Variants in ADAM12 observed in about 807,000 individuals in gnomAD.
The protein encoded by ADAM12 is disintegrin and metalloproteinase domain-containing protein 12.
A neutral mutation model predicts 106.4 loss-of-function variants in ADAM12; 70 were observed. The observed-to-expected ratio is 0.66, with a 90% confidence interval of 0.54 to 0.80. The LOEUF (loss-of-function observed/expected upper bound fraction) is 0.80, where lower values mean the gene tolerates loss of function less well. ADAM12 is among the 30% of genes least tolerant of loss of function. The pLI is 0.00. For missense variants in ADAM12, 1,010 were observed against 1,171.9 expected (o/e 0.86, Z 2.02); for synonymous variants, 420 against 433.5 (o/e 0.97, Z 0.39).
intron 1 of ADAM12, among the ~76,000 whole-genome samples, chr10:126,379,811 A>AC (rs1564766639): frequency 6.6e-6 from 1 of 152,090 alleles, no homozygotes; most frequent in Non-Finnish European, 1.5e-5. Flanking sequence ...CATATCTCTC[A>AC]AAAGCAATGT....
chr10:126,022,744 C>A (rs934079912), intron 21 of ADAM12, among the ~76,000 whole-genome samples: 1 of 152,204 alleles, frequency 6.6e-6, no homozygotes, highest in Non-Finnish European at 1.5e-5. Context: ...TGCTCACACA[C>A]GATAAACATT....
At chr10:126,161,045 C>T (rs947562212) in intron 3 of ADAM12, among the ~76,000 whole-genome samples, 2 of 152,282 alleles carry the variant, frequency 1.3e-5, no homozygotes, top group East Asian at 1.9e-4. Context: ...CACTATTAGC[C>T]CCCATCGCAG....
At chr10:126,065,619 C>A (rs1052388805) in intron 13 of ADAM12, among the ~76,000 whole-genome samples, 1 of 152,102 alleles carries the variant, frequency 6.6e-6, no homozygotes, top group Admixed American at 6.5e-5. Context: ...CTCAGAGTAG[C>A]CCGTCTGAGG....
chr10:126,226,861 G>C (rs1958206735), intron 3 of ADAM12, among the ~76,000 whole-genome samples: 2 of 152,156 alleles, frequency 1.3e-5, no homozygotes, highest in South Asian at 4.2e-4. Context: ...AAGGACTAAG[G>C]CTGTTTTGCA....
At chr10:126,261,214 G>T (rs1437703186) in intron 3 of ADAM12, among the ~76,000 whole-genome samples, 1 of 152,018 alleles carries the variant, frequency 6.6e-6, no homozygotes, top group Non-Finnish European at 1.5e-5. Flanking sequence ...AGATACCAAG[G>T]CACGACTGTG....
intron 3 of ADAM12, among the ~76,000 whole-genome samples, chr10:126,179,059 GA>G (rs917126785): frequency 1.8e-4 from 26 of 145,020 alleles, no homozygotes; most frequent in East Asian, 1.2e-3. Flanking sequence ...AAAAAAGAAA[GA>G]AAAAAAAAAG....
intron 3 of ADAM12, among the ~76,000 whole-genome samples, chr10:126,171,975 G>A (rs1957127765): frequency 6.6e-6 from 1 of 152,050 alleles, no homozygotes; most frequent in Non-Finnish European, 1.5e-5. Flanking sequence ...CCATGTGTCT[G>A]GGGAAAAAAA....
chr10:126,301,791 C>T (rs908429342), intron 2 of ADAM12, among the ~76,000 whole-genome samples: 1 of 152,206 alleles, frequency 6.6e-6, no homozygotes, highest in Non-Finnish European at 1.5e-5. Flanking sequence ...TTGGTCTACT[C>T]TCTTCCCATC....
intron 3 of ADAM12, among the ~76,000 whole-genome samples, chr10:126,224,554 G>A (rs929966763): frequency 3.3e-5 from 5 of 152,228 alleles, no homozygotes; most frequent in African/African-American, 1.2e-4. Context: ...GGCCTGGGGA[G>A]GTGCCTGGGT....
intron 18 of ADAM12, among the ~76,000 whole-genome samples, chr10:126,039,808 T>G (rs1350998515): frequency 6.6e-6 from 1 of 152,234 alleles, no homozygotes; most frequent in African/African-American, 2.4e-5. Flanking sequence ...CTCAAATGTT[T>G]CCAGTCCCCA....
At chr10:126,089,878 C>A (rs1408646434) in intron 11 of ADAM12, among the ~76,000 whole-genome samples, 1 of 152,168 alleles carries the variant, frequency 6.6e-6, no homozygotes, top group East Asian at 1.9e-4. Flanking sequence ...GGCTCCCTCA[C>A]CCCATGTTTC....
rs745628072 is a variant in ADAM12, at chr10:126,039,337, G to A, written c.2197C>T (p.Arg733Ter). 41 of 1,614,032 alleles carry A rather than the reference G, an allele frequency of 2.5e-5. 1 individual carries two copies. Among genetic ancestry groups the A allele is most frequent in the Non-Finnish European group, 3.1e-5 (36 of 1,179,980 alleles). The change falls in exon 19 of 23, where the codon CGA becomes TGA. Residue 733 changes from arginine (R) to a stop codon, truncating the protein, a stop_gained. Coordinates refer to ENST00000448723, the MANE Select transcript of ADAM12 (RefSeq NM_001288973.2). LOFTEE classifies it high-confidence loss of function. ...VVYLKRKTLI[R>*]LLFTNKKTTI... is the part of the protein sequence containing the mutation. ...GTCTTCTTATTTGTAAACAGCAGTCGTATCAAGGTCTTCCTTTTGAGATAA... is the reference window on the plus strand; with the variant it reads ...GTCTTCTTATTTGTAAACAGCAGTCATATCAAGGTCTTCCTTTTGAGATAA...
intron 4 of ADAM12, among the ~76,000 whole-genome samples, chr10:126,136,542 C>T (rs925267023): frequency 1.3e-5 from 2 of 152,178 alleles, no homozygotes; most frequent in African/African-American, 4.8e-5. Flanking sequence ...TAGTCTGTCT[C>T]CACTGCACCC....
Position 126,083,497 on chromosome 10 carries a change from G to A in ADAM12, c.1145+10488C>T, listed in dbSNP as rs547289296. On this transcript the variant is annotated intron_variant, in intron 11 of 22. Transcript: ENST00000448723. ...GGAGAGGCAGCTGCTCCGATGCCTC[G>A]GGACTCCCTGGAGCCAGACGTAAAC... is the stretch of plus-strand genomic sequence containing the variant. 2.6e-4 allele frequency among the ~76,000 whole-genome samples: 40 copies of A among 152,292 alleles called. No homozygotes were observed. The East Asian group carries it at 6.9e-3, about 26-fold the overall frequency.
At chr10:126,085,885 CT>C (rs1297689253) in intron 11 of ADAM12, among the ~76,000 whole-genome samples, 2 of 152,126 alleles carry the variant, frequency 1.3e-5, no homozygotes, top group Admixed American at 6.5e-5. Flanking sequence ...AATTCCTGAC[CT>C]TGTGGAGCTG....
chr10:126,084,014 A>G (rs1417968299), intron 11 of ADAM12, among the ~76,000 whole-genome samples: 1 of 152,208 alleles, frequency 6.6e-6, no homozygotes, highest in Non-Finnish European at 1.5e-5. Context: ...AATGACCAGA[A>G]AGATCCTTAG....
intron 1 of ADAM12, among the ~76,000 whole-genome samples, chr10:126,343,941 A>T (rs1019017932): frequency 2.6e-5 from 4 of 152,132 alleles, no homozygotes; most frequent in Non-Finnish European, 5.9e-5. Flanking sequence ...AGATGAGTAG[A>T]TTGCAAAAAT....
intron 1 of ADAM12, among the ~76,000 whole-genome samples, chr10:126,360,898 G>A (rs540635563): frequency 3.6e-4 from 55 of 152,308 alleles, no homozygotes; most frequent in Admixed American, 6.5e-4. Context: ...GTTTAATTTG[G>A]ACTTACAGTT....
At chr10:126,226,202 C>CGGGGG (rs1399358756) in intron 3 of ADAM12, among the ~76,000 whole-genome samples, 1 of 18,166 alleles carries the variant, frequency 5.5e-5, no homozygotes, top group Admixed American at 5.4e-4. Context: ...GGGGAGGGGG[C>CGGGGG]GGGGGGAGTG....
Sources: gnomAD v4.1 joint callset for allele counts (sites outside exome capture counted in the v4.1 genomes callset) on GRCh38, gnomAD v4.1.1 for gene constraint, MANE v1.5 for transcripts, NCBI Gene and HGNC (gene_info 2026-07-23, HGNC 2026-07-21) for gene names.